Variants in MAP4 observed in about 807,000 individuals in gnomAD.
MAP4 encodes the protein microtubule associated protein 4.
Under a neutral mutation model 170.2 loss-of-function variants are expected in MAP4, and 76 were observed. The observed-to-expected ratio is 0.45, with a 90% confidence interval of 0.37 to 0.54. MAP4 has a LOEUF of 0.54. Among genes scored for constraint, MAP4 ranks in the 20% least tolerant of loss-of-function variants. The pLI is 0.00. For missense variants in MAP4, 2,506 were observed against 2,748.0 expected, an observed-to-expected ratio of 0.91 and a Z score of 1.97; for synonymous variants, 909 against 994.5, an observed-to-expected ratio of 0.91 and a Z score of 1.62.
chr3:47,955,737 A>G (rs2100067464), intron 3 of MAP4, among the ~76,000 whole-genome samples: 1 of 152,214 alleles, frequency 6.6e-6, no homozygotes, highest in Admixed American at 6.5e-5. Context: ...GGTAGGCTTC[A>G]ACCCAGCTAC....
At chr3:48,025,462 T>C (rs777483618) in intron 1 of MAP4, among the ~76,000 whole-genome samples, 2 of 151,862 alleles carry the variant, frequency 1.3e-5, no homozygotes, top group Admixed American at 6.6e-5. Context: ...CTAATTTTTG[T>C]ATTATTAGTA....
chr3:47,947,432 T>C (rs1177907797), intron 3 of MAP4, among the ~76,000 whole-genome samples: 1 of 152,100 alleles, frequency 6.6e-6, no homozygotes, highest in African/African-American at 2.4e-5. Flanking sequence ...CAACCTTGGG[T>C]ACCTTTCTTT....
rs544007350 is a variant in MAP4 at position 47,910,301 on chromosome 3, T to A, written c.4120A>T (p.Ser1374Cys). 22 of 1,584,670 alleles carry A rather than the reference T, an allele frequency of 1.4e-5. No homozygotes were observed. Among genetic ancestry groups the A allele is most frequent in the Non-Finnish European group, 1.8e-5 (21 of 1,170,520 alleles). ...NDGKSKKVKNSSPEKHILENK... is the reference protein window; with the variant it reads ...NDGKSKKVKNCSPEKHILENK... ...TCCAGAATGTGCTTCTCAGGAGAAC[T>A]ATTTTTAACCTTTTTACTTTTTCCA... is the stretch of plus-strand genomic sequence containing the variant. Residue 1374 changes from serine to cysteine, a missense_variant, in exon 9 of 21, where the codon AGT (serine) becomes TGT (cysteine). Ser to Cys is a moderately radical substitution (Grantham distance 112, BLOSUM62 -1). Around this residue, in one of 3 missense-constraint regions of MAP4, gnomAD observed 2,008 missense variants for 2,206.0 expected, o/e 0.91. Coordinates refer to ENST00000683076, the MANE Select transcript of MAP4 (RefSeq NM_001385682.1).
intron 3 of MAP4, among the ~76,000 whole-genome samples, chr3:47,937,117 T>A (rs950343062): frequency 1.3e-5 from 2 of 151,746 alleles, no homozygotes; most frequent in South Asian, 2.1e-4. Flanking sequence ...AAAAAAAAAA[T>A]TGTGCTACAT....
chr3:47,953,554 A>G (rs1026712205), intron 3 of MAP4, among the ~76,000 whole-genome samples: 21 of 152,148 alleles, frequency 1.4e-4, no homozygotes, highest in African/African-American at 5.1e-4. Context: ...TTTAAAAAAG[A>G]GTCCACTATG....
At chr3:47,876,132 CTTT>C (rs2095347025) in intron 11 of MAP4, among the ~76,000 whole-genome samples, 1 of 140,570 alleles carries the variant, frequency 7.1e-6, no homozygotes, top group African/African-American at 2.6e-5. Flanking sequence ...TTTTCTTTTT[CTTT>C]CTTTTTTTTT....
At chr3:47,963,732 C>T (rs1225079492) in intron 3 of MAP4, among the ~76,000 whole-genome samples, 1 of 152,182 alleles carries the variant, frequency 6.6e-6, no homozygotes, top group Non-Finnish European at 1.5e-5. Context: ...AAAGCCCTGT[C>T]CCTCTCATAA....
chr3:47,878,774 G>C (rs2096058399), intron 10 of MAP4, among the ~76,000 whole-genome samples: 1 of 152,110 alleles, frequency 6.6e-6, no homozygotes, highest in African/African-American at 2.4e-5. Context: ...CTGACTTCAA[G>C]TGATCCACCC....
At chr3:48,001,013 G>C (rs1476922440) in intron 1 of MAP4, among the ~76,000 whole-genome samples, 1 of 152,078 alleles carries the variant, frequency 6.6e-6, no homozygotes. Flanking sequence ...AATACTTCCA[G>C]ACCCTGAAAA....
In MAP4 at chr3:47,912,027, T is replaced by C; in HGVS notation, c.2394A>G (p.Lys798=). The C allele has an allele frequency of 6.5e-7, 1 of 1,536,138 alleles. No individual in the cohort carries two copies. Among genetic ancestry groups the C allele is most frequent in the Non-Finnish European group, 8.7e-7 (1 of 1,146,912 alleles). Residue 798 remains lysine (K), a synonymous_variant, in exon 9 of 21, where the codon AAA becomes AAG. Coordinates refer to ENST00000683076, the MANE Select transcript of MAP4 (RefSeq NM_001385682.1). The stretch of plus-strand genomic sequence containing the variant: ...GTGTGTCAGCTGCAAATGGATGACC[T>C]TTAGGCTTATCTGCATTGTCATCAT... ...PSDDDNADKP[K]GHPFAADTQK... is the part of the protein sequence containing the mutation.
intron 10 of MAP4, among the ~76,000 whole-genome samples, chr3:47,881,639 T>G (rs2096783516): frequency 6.6e-6 from 1 of 151,502 alleles, no homozygotes; most frequent in Non-Finnish European, 1.5e-5. Flanking sequence ...GGGCAATTTT[T>G]TTTTCTTTTT....
chr3:47,856,564 C>G (rs2056847555), intron 18 of MAP4, among the ~76,000 whole-genome samples: 1 of 151,948 alleles, frequency 6.6e-6, no homozygotes, highest in South Asian at 2.1e-4. Flanking sequence ...AAGCAATTCT[C>G]CAAAGGCATG....
rs754257976 is a variant in MAP4 at position 47,892,450 on chromosome 3, C to A, written c.5434+10500G>T. On this transcript the variant is annotated intron_variant, in intron 10 of 20. Transcript: ENST00000683076. Reference sequence around the variant, plus strand: ...GCTTGCCCTTACTGAGCTGACCGTACGCGGCAGTGAGAGAGGCTGTCTGCT... The same window carrying A: ...GCTTGCCCTTACTGAGCTGACCGTAAGCGGCAGTGAGAGAGGCTGTCTGCT... The A allele has an allele frequency of 2.6e-6, 4 of 1,535,384 alleles. No homozygotes were observed. In the African/African-American group the frequency reaches 5.5e-5, roughly 21 times the overall value.
rs1255405711 is a variant in MAP4, at chr3:47,891,435, T to C, written c.5434+11515A>G. The stretch of plus-strand genomic sequence containing the variant: ...TCACCCACAGTCATGGAGCGCTTCA[T>C]AGCAGGAGCTCCCAGTTTCCCAGGT... On this transcript the variant is annotated intron_variant, in intron 10 of 20. Coordinates refer to ENST00000683076, the MANE Select transcript of MAP4 (RefSeq NM_001385682.1). 9 of 1,532,702 alleles carry C rather than the reference T, an allele frequency of 5.9e-6. No individual in the cohort carries two copies. The Admixed American group carries it at 5.9e-5, about 10-fold the overall frequency. The allele number at this position is 1,532,702 out of a possible 1,614,324, so 94.9% of individuals were successfully genotyped here.
At chr3:48,036,689 A>G (rs2100118912) in intron 1 of MAP4, among the ~76,000 whole-genome samples, 1 of 152,230 alleles carries the variant, frequency 6.6e-6, no homozygotes, top group Non-Finnish European at 1.5e-5. Flanking sequence ...GATCAAGAGC[A>G]CTGTTTAGAG....
Position 48,009,404 on chromosome 3 carries a change from T to C in MAP4, c.-20+6930A>G, listed in dbSNP as rs1047241981. Among the ~76,000 whole-genome samples, 8 of 152,282 alleles carry C rather than the reference T, an allele frequency of 5.3e-5. No individual in the cohort carries two copies. In the East Asian group the frequency reaches 1.5e-3, roughly 29 times the overall value. On this transcript the variant is annotated intron_variant, in intron 1 of 20. Transcript: ENST00000683076. The stretch of plus-strand genomic sequence containing the variant: ...GCGTGAGCCACCGCACCCAGCTGAC[T>C]CATGGAATGCCTTATCCACCATCAT...
chr3:47,973,211 A>C (rs2154251347), intron 3 of MAP4: 1 of 982,042 alleles, frequency 1.0e-6, no homozygotes, highest in East Asian at 1.1e-4. Flanking sequence ...TGAAATTATA[A>C]AAACATTATT....
At chr3:48,082,844 A>G (rs2100147284) in intron 1 of MAP4, among the ~76,000 whole-genome samples, 1 of 151,698 alleles carries the variant, frequency 6.6e-6, no homozygotes, top group South Asian at 2.1e-4. Flanking sequence ...AGTCATGTTG[A>G]TATCAGGTAT....
intron 3 of MAP4, among the ~76,000 whole-genome samples, chr3:47,951,765 CA>C: frequency 6.6e-6 from 1 of 152,184 alleles, no homozygotes; most frequent in African/African-American, 2.4e-5. Flanking sequence ...CTCTGCCCGG[CA>C]GCCACCCCGT....
Sources: gnomAD v4.1 joint callset for allele counts (sites outside exome capture counted in the v4.1 genomes callset) on GRCh38, gnomAD v4.1.1 for gene constraint, gnomAD v4.1.1 regional missense constraint, MANE v1.5 for transcripts, NCBI Gene and HGNC (gene_info 2026-07-23, HGNC 2026-07-21) for gene names.